Variants in PLEKHG1 observed in about 807,000 individuals in gnomAD.
The protein encoded by PLEKHG1 is pleckstrin homology and RhoGEF domain containing G1.
PLEKHG1 carries 44 observed loss-of-function variants against 100.8 expected under a neutral mutation model. The ratio of observed to expected loss-of-function variants is 0.44; its 90% CI spans 0.34 to 0.56. The LOEUF (loss-of-function observed/expected upper bound fraction) is 0.56. Ranked by LOEUF, PLEKHG1 falls within the 20% of genes least tolerant of loss-of-function variation. The pLI is 0.01. For synonymous variants in PLEKHG1, 640 were observed against 662.5 expected (o/e 0.97, Z 0.52); for missense variants, 1,545 against 1,720.9 (o/e 0.90, Z 1.81).
intron 3 of PLEKHG1, among the ~76,000 whole-genome samples, chr6:150,693,714 G>C (rs1387520548): frequency 2.0e-5 from 3 of 152,158 alleles, no homozygotes; most frequent in East Asian, 3.9e-4. Flanking sequence ...TCGATACCCA[G>C]CCCTTGGGAA....
At chr6:150,742,201 C>A (rs892944307) in intron 2 of PLEKHG1, among the ~76,000 whole-genome samples, 2 of 152,198 alleles carry the variant, frequency 1.3e-5, no homozygotes, top group African/African-American at 2.4e-5. Context: ...GTAGCATCTG[C>A]TTCTGATGAG....
At chr6:150,824,353 C>G (rs902508506) in intron 14 of PLEKHG1, among the ~76,000 whole-genome samples, 3 of 152,166 alleles carry the variant, frequency 2.0e-5, no homozygotes, top group Non-Finnish European at 4.4e-5. Context: ...TCTTAGAGAA[C>G]TGATCATGGC....
At chr6:150,790,689 G>C (rs866780733) in intron 4 of PLEKHG1, among the ~76,000 whole-genome samples, 3 of 152,274 alleles carry the variant, frequency 2.0e-5, no homozygotes, top group Middle Eastern at 3.4e-3. Flanking sequence ...ATCAACTGTA[G>C]TATATCCACG....
intron 2 of PLEKHG1, among the ~76,000 whole-genome samples, chr6:150,743,532 T>C (rs554388448): frequency 4.7e-4 from 71 of 152,138 alleles, no homozygotes; most frequent in Non-Finnish European, 7.5e-4. Context: ...TCTCAAAAAA[T>C]AAATAAATAA....
intron 3 of PLEKHG1, among the ~76,000 whole-genome samples, chr6:150,698,510 G>A (rs116556962): frequency 9.4e-5 from 9 of 95,498 alleles, no homozygotes; most frequent in East Asian, 6.3e-4. Flanking sequence ...ACACACACAC[G>A]TACATGAAAA....
chr6:150,667,130 T>C (rs1472516137), intron 3 of PLEKHG1, among the ~76,000 whole-genome samples: 1 of 152,098 alleles, frequency 6.6e-6, no homozygotes, highest in Non-Finnish European at 1.5e-5. Flanking sequence ...TGCTTAGGGA[T>C]GCCAAGCTAT....
At chr6:150,656,134 C>G (rs1241637347) in intron 3 of PLEKHG1, among the ~76,000 whole-genome samples, 1 of 151,440 alleles carries the variant, frequency 6.6e-6, no homozygotes, top group Non-Finnish European at 1.5e-5. Context: ...AAAAAAAACT[C>G]TTCTAGAAAT....
At chr6:150,721,148 G>T in exon 1 of PLEKHG1, 3 of 985,406 alleles carry the variant, frequency 3.0e-6, no homozygotes, top group Non-Finnish European at 3.6e-6. Context: ...CCTGACTGAG[G>T]TCACTGCATC....
At chr6:150,671,617 G>A (rs1466835964) in intron 3 of PLEKHG1, among the ~76,000 whole-genome samples, 1 of 152,202 alleles carries the variant, frequency 6.6e-6, no homozygotes, top group Non-Finnish European at 1.5e-5. Flanking sequence ...CCTGCAAGAA[G>A]CTTAGAGTCT....
intron 15 of PLEKHG1, among the ~76,000 whole-genome samples, chr6:150,832,681 C>CTTTTTTT (rs66957918): frequency 8.0e-6 from 1 of 125,462 alleles, no homozygotes; most frequent in Non-Finnish European, 1.6e-5. Context: ...TTTTTGCATA[C>CTTTTTTT]TTTTTTTTTT....
At chr6:150,621,087 T>C (rs1343745858) in intron 1 of PLEKHG1, among the ~76,000 whole-genome samples, 1 of 152,174 alleles carries the variant, frequency 6.6e-6, no homozygotes, top group African/African-American at 2.4e-5. Context: ...TTAATAATGG[T>C]CACAAACTCC....
intron 3 of PLEKHG1, among the ~76,000 whole-genome samples, chr6:150,668,758 T>C (rs956103146): frequency 1.3e-5 from 2 of 152,266 alleles, no homozygotes; most frequent in African/African-American, 4.8e-5. Context: ...GTTAAAAATT[T>C]CATGTTTCAC....
intron 3 of PLEKHG1, among the ~76,000 whole-genome samples, chr6:150,772,841 G>T (rs1301473546): frequency 6.6e-6 from 1 of 151,986 alleles, no homozygotes; most frequent in Admixed American, 6.6e-5. Context: ...CAGTTTTCTG[G>T]CTCATATCCA....
intron 1 of PLEKHG1, chr6:150,605,399 A>AAGT (rs1776557877): frequency 6.6e-6 from 1 of 152,192 alleles, no homozygotes; most frequent in African/African-American, 2.4e-5. Flanking sequence ...CCCATCTGTA[A>AAGT]AGTAGGGAGT....
chr6:150,606,235 G>T (rs559597751), intron 1 of PLEKHG1, among the ~76,000 whole-genome samples: 1 of 152,130 alleles, frequency 6.6e-6, no homozygotes, highest in Non-Finnish European at 1.5e-5. Flanking sequence ...TCTTGCAGCC[G>T]GATAATTCCT....
chr6:150,723,037 G>C (rs1468613015), intron 1 of PLEKHG1, among the ~76,000 whole-genome samples: 1 of 152,168 alleles, frequency 6.6e-6, no homozygotes, highest in African/African-American at 2.4e-5. Flanking sequence ...GCATTCGTAG[G>C]ATGTAGAAGA....
chr6:150,601,545 G>A (rs1473502023), intron 1 of PLEKHG1, among the ~76,000 whole-genome samples: 2 of 152,150 alleles, frequency 1.3e-5, no homozygotes, highest in East Asian at 3.9e-4. Flanking sequence ...TCAGCATTTT[G>A]AGTCTGGCTT....
At chr6:150,732,482 A>G (rs1221523200) in intron 1 of PLEKHG1, among the ~76,000 whole-genome samples, 1 of 152,218 alleles carries the variant, frequency 6.6e-6, no homozygotes, top group Non-Finnish European at 1.5e-5. Context: ...ATGAGGGCAC[A>G]TTCTGAGACA....
exon 16 of PLEKHG1, chr6:150,839,857 A>G (rs768679392): frequency 6.2e-7 from 1 of 1,611,360 alleles, no homozygotes; most frequent in Non-Finnish European, 8.5e-7. Flanking sequence ...GAGTATTCCC[A>G]GTTGTATGAC....
Sources: allele counts gnomAD v4.1 joint callset (sites outside exome capture counted in the v4.1 genomes callset), GRCh38; gene constraint gnomAD v4.1.1; transcripts MANE v1.5; gene names NCBI Gene and HGNC (gene_info 2026-07-23, HGNC 2026-07-21).